The following NRG1 variants were observed in gnomAD, a reference collection of about 807,000 sequenced individuals.
NRG1 encodes neuregulin 1, also known as pro-neuregulin-1, membrane-bound isoform.
In NRG1, 18 loss-of-function variants were observed where a neutral mutation model predicts 63.8. That is an observed-to-expected ratio of 0.28 (90% CI 0.19 to 0.42). The LOEUF (loss-of-function observed/expected upper bound fraction) is 0.42. Ranked by LOEUF, NRG1 falls within the 10% of genes least tolerant of loss-of-function variation. The probability of loss-of-function intolerance (pLI) is 1.00; values close to 1 mark genes in which losing one functional copy is unlikely to be tolerated. For missense variants in NRG1, 762 were observed against 814.7 expected (o/e 0.94, Z 0.79); for synonymous variants, 302 against 301.3 (o/e 1.00, Z -0.02).
intron 1 of NRG1, among the ~76,000 whole-genome samples, chr8:32,094,576 TTTGCTTATTTCCCAATTTGAAA>T (rs1278931169): frequency 6.6e-6 from 1 of 152,198 alleles, no homozygotes; most frequent in Non-Finnish European, 1.5e-5. Context: ...TAAGAAAAGA[TTTGCTTATTTCCCAATTTGAAA>T]TTACTTTGCT....
intron 1 of NRG1, among the ~76,000 whole-genome samples, chr8:32,085,959 T>G (rs535737033): frequency 6.6e-6 from 1 of 152,310 alleles, no homozygotes; most frequent in South Asian, 2.1e-4. Context: ...CTTAGCCAGT[T>G]CTTAGTCATT....
chr8:32,489,197 G>A (rs1339402712), intron 1 of NRG1, among the ~76,000 whole-genome samples: 1 of 152,032 alleles, frequency 6.6e-6, no homozygotes, highest in Non-Finnish European at 1.5e-5. Flanking sequence ...CTAGTGCTTG[G>A]GAAGTGAGCA....
chr8:32,556,161 C>T (rs1835136001), intron 1 of NRG1, among the ~76,000 whole-genome samples: 1 of 152,210 alleles, frequency 6.6e-6, no homozygotes, highest in Non-Finnish European at 1.5e-5. Flanking sequence ...AATATTTGGA[C>T]TTTGAAAAAG....
chr8:32,344,602 ATTTTTTTTTTT>A (rs61448713), intron 1 of NRG1, among the ~76,000 whole-genome samples: 1 of 101,184 alleles, frequency 9.9e-6, no homozygotes, highest in Non-Finnish European at 1.9e-5. Flanking sequence ...ACACTCAGCT[ATTTTTTTTTTT>A]TTTTTTTTTT....
At chr8:32,319,965 C>T (rs1801186083) in intron 1 of NRG1, among the ~76,000 whole-genome samples, 1 of 151,984 alleles carries the variant, frequency 6.6e-6, no homozygotes, top group Non-Finnish European at 1.5e-5. Flanking sequence ...TAGTGCGTGA[C>T]CTTAGCCCCA....
At chr8:32,218,146 C>T (rs186310701) in intron 1 of NRG1, among the ~76,000 whole-genome samples, 2 of 152,262 alleles carry the variant, frequency 1.3e-5, no homozygotes, top group Admixed American at 6.5e-5. Flanking sequence ...CTTGCTGTCT[C>T]CTTACATATT....
downstream of NRG1, among the ~76,000 whole-genome samples, chr8:32,772,869 CT>C (rs1589683168): frequency 6.6e-6 from 1 of 152,162 alleles, no homozygotes; most frequent in East Asian, 1.9e-4. Flanking sequence ...ACCCAACCCC[CT>C]GTAACCAGGT....
chr8:31,700,027 G>A (rs538782526), intron 1 of NRG1, among the ~76,000 whole-genome samples: 1 of 152,124 alleles, frequency 6.6e-6, no homozygotes, highest in Non-Finnish European at 1.5e-5. Context: ...AGACATAGTC[G>A]ATATAGGTGG....
chr8:32,015,115 G>T (rs554146678), intron 1 of NRG1, among the ~76,000 whole-genome samples: 2 of 152,234 alleles, frequency 1.3e-5, no homozygotes, highest in South Asian at 4.2e-4. Flanking sequence ...TGTAGTGCTT[G>T]TAATGTCAGC....
chr8:32,250,579 T>C (rs1459370982), intron 1 of NRG1, among the ~76,000 whole-genome samples: 1 of 152,180 alleles, frequency 6.6e-6, no homozygotes, highest in Admixed American at 6.6e-5. Flanking sequence ...TAGTGACTCA[T>C]TAAAATGGAT....
intron 1 of NRG1, among the ~76,000 whole-genome samples, chr8:32,049,074 T>G (rs1029044535): frequency 6.6e-6 from 1 of 152,098 alleles, no homozygotes; most frequent in Admixed American, 6.6e-5. Flanking sequence ...GCTCTTGAGA[T>G]GAGAAGGAGC....
chr8:32,250,059 G>A (rs936527902), intron 1 of NRG1, among the ~76,000 whole-genome samples: 1 of 152,026 alleles, frequency 6.6e-6, no homozygotes, highest in Admixed American at 6.6e-5. Context: ...GGGTAGAGAG[G>A]TTTCTTAATC....
intron 1 of NRG1, among the ~76,000 whole-genome samples, chr8:32,470,681 C>T (rs1408879088): frequency 2.0e-5 from 3 of 152,196 alleles, no homozygotes; most frequent in Admixed American, 1.3e-4. Context: ...TTTGCTGGTA[C>T]TGAATCCTAC....
intron 1 of NRG1, among the ~76,000 whole-genome samples, chr8:32,291,730 A>G (rs1854225809): frequency 6.6e-6 from 1 of 151,912 alleles, no homozygotes; most frequent in South Asian, 2.1e-4. Flanking sequence ...TTTTTAGTAG[A>G]AATGGGGTTT....
intron 1 of NRG1, among the ~76,000 whole-genome samples, chr8:31,791,144 G>A (rs537629031): frequency 5.9e-4 from 89 of 151,536 alleles, no homozygotes; most frequent in African/African-American, 2.0e-3. Flanking sequence ...GGGAGGTGGA[G>A]GTTGCAGTGA....
At chr8:32,731,407 C>A (rs1589468213) in intron 6 of NRG1, among the ~76,000 whole-genome samples, 1 of 146,542 alleles carries the variant, frequency 6.8e-6, no homozygotes, top group South Asian at 2.2e-4. Flanking sequence ...GAAATTACAC[C>A]TTTTTTTTTT....
intron 1 of NRG1, among the ~76,000 whole-genome samples, chr8:31,910,567 A>G (rs1427926682): frequency 1.3e-5 from 2 of 152,182 alleles, no homozygotes; most frequent in African/African-American, 4.8e-5. Context: ...CACTGTGGAA[A>G]TGTCACATTT....
chr8:32,269,433 T>G (rs942972444), intron 1 of NRG1, among the ~76,000 whole-genome samples: 3 of 152,144 alleles, frequency 2.0e-5, no homozygotes, highest in Non-Finnish European at 2.9e-5. Flanking sequence ...TGCCAACGAT[T>G]CTTATTAACC....
chr8:32,262,225 A>T (rs1268123518), intron 1 of NRG1, among the ~76,000 whole-genome samples: 1 of 152,186 alleles, frequency 6.6e-6, no homozygotes, highest in Non-Finnish European at 1.5e-5. Context: ...CAAATTTTGC[A>T]AATGCATTTT....
Sources: gnomAD v4.1 joint callset for allele counts (sites outside exome capture counted in the v4.1 genomes callset) on GRCh38, gnomAD v4.1.1 for gene constraint, MANE v1.5 for transcripts, NCBI Gene and HGNC (gene_info 2026-07-23, HGNC 2026-07-21) for gene names.